Variants in PEG3 observed in about 807,000 individuals in gnomAD.
PEG3 encodes paternally-expressed gene 3 protein.
Under a neutral mutation model 35.5 loss-of-function variants are expected in PEG3, and 23 were observed. That is an observed-to-expected ratio of 0.65 (90% CI 0.47 to 0.92). The LOEUF is 0.92. PEG3 is among the 40% of genes least tolerant of loss of function. The pLI, the probability that PEG3 is intolerant of heterozygous loss-of-function variation, is 0.00. For synonymous variants in PEG3, 707 were observed against 697.0 expected, an observed-to-expected ratio of 1.01 and a Z score of -0.23; for missense variants, 1,960 against 1,985.3, an observed-to-expected ratio of 0.99 and a Z score of 0.24.
Position 56,813,722 on chromosome 19 carries a change from T to C in PEG3, c.4720A>G (p.Asn1574Asp). Residue 1574 changes from asparagine (N) to aspartate (D), a missense_variant, in exon 10 of 10, where the codon AAT (asparagine) becomes GAT (aspartate). Asn to Asp is a conservative substitution (Grantham distance 23). Coordinates refer to ENST00000326441, the MANE Select transcript of PEG3 (RefSeq NM_006210.3). ...FKCDVCGQLF[N>D]DRLSLARHQN... is the part of the protein sequence containing the mutation. ...TGTCTGGCGAGGGACAGGCGGTCAT[T>C]GAAGAGCTGCCCACAGACGTCACAT... The C allele has an allele frequency of 6.2e-7, 1 of 1,614,124 alleles. No homozygotes were observed. Among genetic ancestry groups the C allele is most frequent in the Middle Eastern group, 1.7e-4 (1 of 6,060 alleles).
In PEG3 at chr19:56,815,842, T is replaced by C. The variant is rs770703012; in HGVS notation, c.2600A>G (p.Asp867Gly). The C allele has an allele frequency of 1.9e-6, 3 of 1,613,782 alleles. No individual in the cohort carries two copies. The South Asian group carries it at 3.3e-5, about 18-fold the overall frequency. The change falls in exon 10 of 10, where the codon GAC becomes GGC. Residue 867 changes from aspartate to glycine, a missense_variant. Coordinates refer to ENST00000326441, the MANE Select transcript of PEG3 (RefSeq NM_006210.3). ...EKGESSIYIS[D>G]LNDKRQKIPA... Reference sequence around the variant, plus strand: ...AATCTTCTGTCGCTTATCATTAAGGTCTGAGATATAAATGGAGGATTCTCC... The same window carrying C: ...AATCTTCTGTCGCTTATCATTAAGGCCTGAGATATAAATGGAGGATTCTCC...
intron 1 of PEG3, among the ~76,000 whole-genome samples, chr19:56,840,000 C>T (rs2062801820): frequency 6.6e-6 from 1 of 152,194 alleles, no homozygotes; most frequent in South Asian, 2.1e-4. Flanking sequence ...CAGCCCTTCG[C>T]CCCTCCCACC....
rs1290001483 is a variant in PEG3 at position 56,815,519 on chromosome 19, C to T, written c.2923G>A (p.Gly975Arg). The change falls in exon 10 of 10, where the codon GGG becomes AGG. Residue 975 changes from glycine (G) to arginine (R), a missense_variant. Physicochemically the swap from Gly to Arg is moderately radical, Grantham distance 125 (BLOSUM62 -2). This residue lies in a region of PEG3 where 798 missense variants were observed against 782.4 expected (regional missense o/e 1.02). Coordinates refer to ENST00000326441, the MANE Select transcript of PEG3 (RefSeq NM_006210.3). ...TCAGAGCTATGAGCAAAGCACTCCC[C>T]ACACTCCTGACATTCATAGAGCATC... ...RGMLYECQEC[G>R]ECFAHSSDLT... The T allele has an allele frequency of 7.5e-5, 121 of 1,614,052 alleles. No individual in the cohort carries two copies. The highest frequency in any genetic ancestry group is 1.0e-4 in the Non-Finnish European group (121 of 1,180,028).
Position 56,813,144 on chromosome 19 carries a change from TTCTC to T in PEG3, c.*527_*530del. ...GGTTCAAATAATGCACAATAAATCTTTCTCAGGATCTAAGACACTTAAAAATATA... is the reference window on the plus strand; with the variant it reads ...GGTTCAAATAATGCACAATAAATCTTAGGATCTAAGACACTTAAAAATATA... On this transcript the variant is annotated 3_prime_UTR_variant, in exon 10 of 10. Coordinates refer to ENST00000326441, the MANE Select transcript of PEG3 (RefSeq NM_006210.3). 1.0e-6 allele frequency: 1 copy of T among 983,140 alleles called. No individual in the cohort carries two copies. Among genetic ancestry groups the T allele is most frequent in the South Asian group, 4.7e-5 (1 of 21,236 alleles). 60.9% of individuals were successfully genotyped at this position (983,140 alleles called of 1,614,324 possible).
chr19:56,812,665 TGA>T lies in PEG3; in HGVS notation c.*1008_*1009del. Reference sequence around the variant, plus strand: ...TTAGCCTGCAACATTATTTACAGCATGAGAGCCTCTCCTACGGTTCTCAACCT... The same window carrying T: ...TTAGCCTGCAACATTATTTACAGCATGAGCCTCTCCTACGGTTCTCAACCT... On this transcript the variant is annotated 3_prime_UTR_variant, in exon 10 of 10. Coordinates refer to ENST00000326441, the MANE Select transcript of PEG3 (RefSeq NM_006210.3). 2 of 985,760 alleles carry T rather than the reference TGA, an allele frequency of 2.0e-6. No homozygotes were observed. Among genetic ancestry groups the T allele is most frequent in the Non-Finnish European group, 2.4e-6 (2 of 829,904 alleles). The allele number at this position is 985,760 out of a possible 1,614,324, so 61.1% of individuals were successfully genotyped here. A position where few individuals can be genotyped will look rare whatever the true frequency, so the allele number is the denominator to read the frequency against.
Position 56,815,796 on chromosome 19 carries a change from A to G in PEG3, c.2646T>C (p.Cys882=), listed in dbSNP as rs2059925727. ...AGTTGCGATTCTTACTGCCCCCTTC[A>G]CAAGGGTTCTCTCTGGCAGGAATCT... ...RQKIPARENP[C]EGGSKNRNYE... The change falls in exon 10 of 10, where the codon TGT becomes TGC. Residue 882 remains cysteine (C), a synonymous_variant. Coordinates refer to ENST00000326441, the MANE Select transcript of PEG3 (RefSeq NM_006210.3). 1 of 1,613,580 alleles carries G rather than the reference A, an allele frequency of 6.2e-7. No homozygotes were observed. The highest frequency in any genetic ancestry group is 8.5e-7 in the Non-Finnish European group (1 of 1,179,642).
chr19:56,829,335 C>T (rs1235472913), intron 2 of PEG3, among the ~76,000 whole-genome samples: 1 of 140,540 alleles, frequency 7.1e-6, no homozygotes, highest in Non-Finnish European at 1.5e-5. Flanking sequence ...CAGAGCGAGA[C>T]TCCATCTCAA....
rs1242928259 is a variant in PEG3, at chr19:56,810,900, A to C, written c.*2775T>G. The C allele has an allele frequency of 1.0e-6, 1 of 963,474 alleles. No homozygotes were observed. The highest frequency in any genetic ancestry group is 1.1e-4 in the East Asian group (1 of 8,724). 59.7% of individuals were successfully genotyped at this position (963,474 alleles called of 1,614,324 possible). A position where few individuals can be genotyped will look rare whatever the true frequency, so the allele number is the denominator to read the frequency against. ...TATGCACACCAATGGAGACACACAT[A>C]ATACACTGTTATCAGGACATTATTA... On this transcript the variant is annotated 3_prime_UTR_variant, in exon 10 of 10. Transcript: ENST00000326441.
intron 2 of PEG3, among the ~76,000 whole-genome samples, chr19:56,832,141 A>G (rs955349721): frequency 6.6e-6 from 1 of 152,238 alleles, no homozygotes; most frequent in African/African-American, 2.4e-5. Context: ...ATCTCTATTT[A>G]AAATGTTATT....
Position 56,810,378 on chromosome 19 carries a change from A to C in PEG3, c.*3297T>G. 1 of 985,390 alleles carries C rather than the reference A, an allele frequency of 1.0e-6. No individual in the cohort carries two copies. The highest frequency in any genetic ancestry group is 1.2e-6 in the Non-Finnish European group (1 of 829,898). The allele number at this position is 985,390 out of a possible 1,614,324, so 61.0% of individuals were successfully genotyped here. On this transcript the variant is annotated 3_prime_UTR_variant, in exon 10 of 10. Coordinates refer to ENST00000326441, the MANE Select transcript of PEG3 (RefSeq NM_006210.3). The stretch of plus-strand genomic sequence containing the variant: ...ACCGAAACAAAATAACCATAATCCC[A>C]CAACAACCACACAACTATTTCTTGT...
At chr19:56,819,225 T>G (rs2146255952) in intron 7 of PEG3, among the ~76,000 whole-genome samples, 1 of 152,238 alleles carries the variant, frequency 6.6e-6, no homozygotes, top group African/African-American at 2.4e-5. Flanking sequence ...AGACATCTGG[T>G]CAGGATGTGA....
At chr19:56,817,880 G>A (rs763391242) in intron 8 of PEG3, 45 bp from the exon 9 acceptor site, 1 of 1,474,604 alleles carries the variant, frequency 6.8e-7, no homozygotes. Flanking sequence ...TCAAGTTGAG[G>A]ACCAAGACTC....
At chr19:56,824,886 A>C in intron 3 of PEG3, 145 bp from the exon 4 acceptor site, 1 of 509,772 alleles carries the variant, frequency 2.0e-6, no homozygotes, top group Non-Finnish European at 3.5e-6. Flanking sequence ...AGTTGGCCTC[A>C]GCACAGCAGT....
chr19:56,824,124 A>AC, intron 4 of PEG3, 138 bp downstream of exon 4: 3 of 1,389,684 alleles, frequency 2.2e-6, no homozygotes, highest in Non-Finnish European at 2.9e-6. Flanking sequence ...TCAATATCCC[A>AC]CAGTACACAG....
In PEG3 at chr19:56,810,779, G is replaced by C; in HGVS notation, c.*2896C>G. 10 of 978,838 alleles carry C rather than the reference G, an allele frequency of 1.0e-5. No individual in the cohort carries two copies. Among genetic ancestry groups the C allele is most frequent in the Non-Finnish European group, 1.2e-5 (10 of 824,018 alleles). 60.6% of individuals were successfully genotyped at this position (978,838 alleles called of 1,614,324 possible). A position where few individuals can be genotyped will look rare whatever the true frequency, so the allele number is the denominator to read the frequency against. On this transcript the variant is annotated 3_prime_UTR_variant, in exon 10 of 10. Coordinates refer to ENST00000326441, the MANE Select transcript of PEG3 (RefSeq NM_006210.3). Reference sequence around the variant, plus strand: ...GCACTGAAACAAGATAGAGGAAACAGATCAAGATGTTAGCAGTAGTTGTTA... The same window carrying C: ...GCACTGAAACAAGATAGAGGAAACACATCAAGATGTTAGCAGTAGTTGTTA...
In PEG3 at chr19:56,815,060, C is replaced by T. The variant is rs1318880174; in HGVS notation, c.3382G>A (p.Val1128Ile). 3 of 1,614,000 alleles carry T rather than the reference C, an allele frequency of 1.9e-6. No homozygotes were observed. Among genetic ancestry groups the T allele is most frequent in the African/African-American group, 1.3e-5 (1 of 74,930 alleles). ...DLTDLTDHQK[V>I]HSRKCLVDSR... ...TCAACCAGGCACTTCCTGCTGTGGA[C>T]TTTCTGATGGTCTGTGAGGTCTGTG... is the stretch of plus-strand genomic sequence containing the variant. Residue 1128 changes from valine (V) to isoleucine (I), a missense_variant, in exon 10 of 10, where the codon GTC (valine) becomes ATC (isoleucine). Val to Ile is a conservative substitution (Grantham distance 29). Coordinates refer to ENST00000326441, the MANE Select transcript of PEG3 (RefSeq NM_006210.3).
chr19:56,817,837 T>G lies in PEG3; in HGVS notation c.773-2A>C, dbSNP rs776225692. On this transcript the variant is annotated splice_acceptor_variant, in intron 8 of 9. Coordinates refer to ENST00000326441, the MANE Select transcript of PEG3 (RefSeq NM_006210.3). LOFTEE classifies it high-confidence loss of function. The stretch of plus-strand genomic sequence containing the variant: ...GGCCATCGTCTTCAGCAAGCTGCAC[T>G]CCTGGTCACAAGGACAATATGATGC... The G allele has an allele frequency of 6.2e-7, 1 of 1,613,450 alleles. No individual in the cohort carries two copies. Among genetic ancestry groups the G allele is most frequent in the Non-Finnish European group, 8.5e-7 (1 of 1,179,548 alleles).
rs907558385 is a variant in PEG3 at position 56,812,847 on chromosome 19, G to C, written c.*828C>G. On this transcript the variant is annotated 3_prime_UTR_variant, in exon 10 of 10. Transcript: ENST00000326441. ...AAAAAAAAAAACCCAGAACACAAAT[G>C]TGTAATATTTTTGCATGAGAACCAC... is the stretch of plus-strand genomic sequence containing the variant. 4.1e-6 allele frequency: 4 copies of C among 979,450 alleles called. No individual in the cohort carries two copies. The allele number at this position is 979,450 out of a possible 1,614,324, so 60.7% of individuals were successfully genotyped here.
rs1270789163 is a variant in PEG3, at chr19:56,810,908, G to C, written c.*2767C>G. The C allele has an allele frequency of 3.1e-6, 3 of 960,744 alleles. No homozygotes were observed. The highest frequency in any genetic ancestry group is 3.7e-6 in the Non-Finnish European group (3 of 807,652). The allele number at this position is 960,744 out of a possible 1,614,324, so 59.5% of individuals were successfully genotyped here. ...CCAATGGAGACACACATAATACACT[G>C]TTATCAGGACATTATTATAGGGAAC... On this transcript the variant is annotated 3_prime_UTR_variant, in exon 10 of 10. Coordinates refer to ENST00000326441, the MANE Select transcript of PEG3 (RefSeq NM_006210.3).
Sources: gnomAD v4.1 joint callset for allele counts (sites outside exome capture counted in the v4.1 genomes callset) on GRCh38, gnomAD v4.1.1 for gene constraint, gnomAD v4.1.1 regional missense constraint, MANE v1.5 for transcripts, NCBI Gene and HGNC (gene_info 2026-07-23, HGNC 2026-07-21) for gene names.